MAF: variants seen among roughly 807,000 people sequenced by gnomAD.
MAF encodes the protein transcription factor Maf.
A neutral mutation model predicts 22.0 loss-of-function variants in MAF; 10 were observed. The observed-to-expected ratio is 0.45, with a 90% confidence interval of 0.28 to 0.77. The LOEUF (loss-of-function observed/expected upper bound fraction) is 0.77. Among genes scored for constraint, MAF ranks in the 30% least tolerant of loss-of-function variants. The pLI, the probability that MAF is intolerant of heterozygous loss-of-function variation, is 0.12. For missense variants in MAF, 544 were observed against 548.4 expected, an observed-to-expected ratio of 0.99 and a Z score of 0.08; for synonymous variants, 337 against 255.8, an observed-to-expected ratio of 1.32 and a Z score of -3.03.
the MAF span, among the ~76,000 whole-genome samples, chr16:79,467,552 T>A: frequency 6.6e-5 from 10 of 152,290 alleles, no homozygotes; most frequent in East Asian, 1.5e-3. Context: ...TGAACCCAGG[T>A]GATTCCAGAG....
the MAF span, among the ~76,000 whole-genome samples, chr16:79,361,029 T>A: frequency 1.3e-5 from 2 of 152,206 alleles, no homozygotes; most frequent in Admixed American, 1.3e-4. Flanking sequence ...TTTATGTTAC[T>A]AAACACATTC....
the MAF span, among the ~76,000 whole-genome samples, chr16:79,220,497 A>ATTTATATATAATATATAT: frequency 6.6e-6 from 1 of 152,162 alleles, no homozygotes; most frequent in Admixed American, 6.5e-5. Flanking sequence ...AAATTATTTT[A>ATTTATATATAATATATAT]AAATAATTTA....
chr16:79,453,923 C>G, the MAF span, among the ~76,000 whole-genome samples: 8 of 152,114 alleles, frequency 5.3e-5, no homozygotes, highest in South Asian at 1.5e-3. Flanking sequence ...TACTAAATAC[C>G]TACCTTGCTA....
the MAF span, among the ~76,000 whole-genome samples, chr16:79,282,170 T>C: frequency 1.3e-5 from 2 of 151,866 alleles, no homozygotes; most frequent in African/African-American, 4.8e-5. Flanking sequence ...GTGCCATGAG[T>C]TCTAGAAATG....
the MAF span, among the ~76,000 whole-genome samples, chr16:79,423,818 G>A: frequency 6.6e-6 from 1 of 152,010 alleles, no homozygotes; most frequent in African/African-American, 2.4e-5. Context: ...ACCTAACCTA[G>A]CCTCCACCTT....
chr16:79,530,909 A>C, the MAF span, among the ~76,000 whole-genome samples: 1 of 152,228 alleles, frequency 6.6e-6, no homozygotes, highest in Non-Finnish European at 1.5e-5. Flanking sequence ...CTCTTGAGCC[A>C]GCCAGATCCT....
the MAF span, among the ~76,000 whole-genome samples, chr16:79,381,479 A>G: frequency 3.3e-5 from 5 of 152,222 alleles, no homozygotes; most frequent in Non-Finnish European, 2.9e-5. Context: ...TGCTTGGCTA[A>G]TGACGGTGCC....
At chr16:79,259,068 C>T in the MAF span, among the ~76,000 whole-genome samples, 1 of 152,176 alleles carries the variant, frequency 6.6e-6, no homozygotes, top group Non-Finnish European at 1.5e-5. Context: ...ACAACCATCC[C>T]CTAAACCCCA....
At chr16:79,598,448 G>A in intron 1 of MAF, 4 of 1,225,392 alleles carry the variant, frequency 3.3e-6, no homozygotes, top group Non-Finnish European at 4.1e-6. Flanking sequence ...GGTGGGGCGG[G>A]GGGGTGTAAA....
chr16:79,404,350 G>C, the MAF span, among the ~76,000 whole-genome samples: 2 of 151,992 alleles, frequency 1.3e-5, no homozygotes, highest in African/African-American at 4.8e-5. Flanking sequence ...TTTTAGTAGA[G>C]ACTGGGTTTC....
At chr16:79,537,881 C>G in the MAF span, among the ~76,000 whole-genome samples, 5 of 152,148 alleles carry the variant, frequency 3.3e-5, no homozygotes, top group East Asian at 7.7e-4. Context: ...GAATTCCTGG[C>G]TTGATGTAGG....
chr16:79,287,624 G>A, the MAF span, among the ~76,000 whole-genome samples: 1 of 152,322 alleles, frequency 6.6e-6, no homozygotes, highest in Admixed American at 6.5e-5. Flanking sequence ...CTTAGCGTCA[G>A]GAATCAGACT....
chr16:79,427,723 C>T, the MAF span, among the ~76,000 whole-genome samples: 1 of 152,038 alleles, frequency 6.6e-6, no homozygotes, highest in Admixed American at 6.6e-5. Context: ...TGTACTGGCC[C>T]AGTATTCTCC....
the MAF span, among the ~76,000 whole-genome samples, chr16:79,485,790 T>C: frequency 6.6e-6 from 1 of 152,246 alleles, no homozygotes; most frequent in Non-Finnish European, 1.5e-5. Flanking sequence ...GCACACAGAC[T>C]CGGTGTCTTG....
the MAF span, among the ~76,000 whole-genome samples, chr16:79,540,134 G>T: frequency 6.6e-6 from 1 of 151,994 alleles, no homozygotes; most frequent in Admixed American, 6.6e-5. Context: ...CACCACAGGA[G>T]CATGCAGCCA....
At chr16:79,539,631 T>C in the MAF span, among the ~76,000 whole-genome samples, 1 of 152,282 alleles carries the variant, frequency 6.6e-6, no homozygotes, top group African/African-American at 2.4e-5. Flanking sequence ...AGATGTTCAA[T>C]ATAGTGTTAT....
At chr16:79,410,996 C>A in the MAF span, among the ~76,000 whole-genome samples, 1 of 152,184 alleles carries the variant, frequency 6.6e-6, no homozygotes, top group Non-Finnish European at 1.5e-5. Context: ...TCTTAGGGAC[C>A]TTAAATGCCC....
chr16:79,418,919 C>T, the MAF span, among the ~76,000 whole-genome samples: 4 of 152,150 alleles, frequency 2.6e-5, no homozygotes, highest in African/African-American at 7.2e-5. Context: ...CTGCCTTCCC[C>T]ATAATAAAAG....
chr16:79,591,735 A>T (rs1446820893), downstream of MAF, among the ~76,000 whole-genome samples: 3 of 152,198 alleles, frequency 2.0e-5, no homozygotes, highest in Non-Finnish European at 4.4e-5. Context: ...AAACACACAG[A>T]GGGCCTTCGA....
Sources: gnomAD v4.1 joint callset for allele counts (sites outside exome capture counted in the v4.1 genomes callset) on GRCh38, gnomAD v4.1.1 for gene constraint, MANE v1.5 for transcripts, NCBI Gene and HGNC (gene_info 2026-07-23, HGNC 2026-07-21) for gene names.